The following PRDM16 variants were observed in gnomAD, a reference collection of about 807,000 sequenced individuals.
PRDM16 encodes the protein histone-lysine N-methyltransferase PRDM16.
A neutral mutation model predicts 110.6 loss-of-function variants in PRDM16; 23 were observed. The ratio of observed to expected loss-of-function variants is 0.21; its 90% CI spans 0.15 to 0.29. The LOEUF (loss-of-function observed/expected upper bound fraction) is 0.29, where lower values mean the gene tolerates loss of function less well. PRDM16 is among the 10% of genes least tolerant of loss of function. PRDM16 has a pLI of 1.00. For missense variants in PRDM16, 1,615 were observed against 1,794.3 expected (o/e 0.90, Z 1.81); for synonymous variants, 799 against 781.8 (o/e 1.02, Z -0.37).
intron 1 of PRDM16, among the ~76,000 whole-genome samples, chr1:3,089,548 C>A (rs1642225732): frequency 6.6e-6 from 1 of 152,230 alleles, no homozygotes; most frequent in Non-Finnish European, 1.5e-5. Context: ...CATCTCCAGG[C>A]CAGAAAACCA....
chr1:3,142,357 C>G (rs12123885), intron 1 of PRDM16, among the ~76,000 whole-genome samples: 1 of 152,208 alleles, frequency 6.6e-6, no homozygotes, highest in Admixed American at 6.5e-5. Context: ...CCCGGGGGTG[C>G]GGTGGGGACC....
At chr1:3,317,288 G>A (rs1007648695) in intron 3 of PRDM16, among the ~76,000 whole-genome samples, 20 of 152,146 alleles carry the variant, frequency 1.3e-4, no homozygotes, top group African/African-American at 4.3e-4. Flanking sequence ...TCTCTTACCT[G>A]GGAGAAGTGA....
chr1:3,301,529 G>A (rs1315679609), intron 3 of PRDM16, among the ~76,000 whole-genome samples: 1 of 152,196 alleles, frequency 6.6e-6, no homozygotes, highest in Non-Finnish European at 1.5e-5. Context: ...TTTAAAAGAA[G>A]ACGTCTCGGT....
At chr1:3,400,532 T>A (rs1643449700) in intron 5 of PRDM16, among the ~76,000 whole-genome samples, 1 of 152,180 alleles carries the variant, frequency 6.6e-6, no homozygotes, top group Non-Finnish European at 1.5e-5. Flanking sequence ...CCTAGGTGGG[T>A]TTGGTTTGTT....
At chr1:3,316,546 T>C (rs1641606162) in intron 3 of PRDM16, among the ~76,000 whole-genome samples, 1 of 151,760 alleles carries the variant, frequency 6.6e-6, no homozygotes, top group Non-Finnish European at 1.5e-5. Context: ...TAGCCAAGAA[T>C]CAGTGGCACA....
rs1013615482 is a variant in PRDM16, at chr1:3,080,374, C to T, written c.37+11078C>T. Among the ~76,000 whole-genome samples, 2 of 152,206 alleles carry T rather than the reference C, an allele frequency of 1.3e-5. No homozygotes were observed. Among genetic ancestry groups the T allele is most frequent in the African/African-American group, 4.8e-5 (2 of 41,460 alleles). On this transcript the variant is annotated intron_variant, in intron 1 of 16. Transcript: ENST00000270722. This position sits in a 1 kb window ranked among gnomAD's most constrained non-coding sequence, Gnocchi z 5.2. Reference sequence around the variant, plus strand: ...GGTGCCACGAAGCACCGGGGATTTACGGCCGACCCGCGCTTTCCGATCGGT... The same window carrying T: ...GGTGCCACGAAGCACCGGGGATTTATGGCCGACCCGCGCTTTCCGATCGGT...
chr1:3,257,312 C>T (rs752374126), intron 3 of PRDM16, among the ~76,000 whole-genome samples: 1 of 152,134 alleles, frequency 6.6e-6, no homozygotes, highest in Non-Finnish European at 1.5e-5. Context: ...CTCTGCCCAC[C>T]TGGGGTTGGG....
At chr1:3,337,508 G>A (rs534732361) in intron 3 of PRDM16, among the ~76,000 whole-genome samples, 3 of 152,184 alleles carry the variant, frequency 2.0e-5, no homozygotes, top group Non-Finnish European at 4.4e-5. Context: ...GCCATGCCAG[G>A]TCACCAAGAC....
chr1:3,413,653 TG>T (rs1049539787), intron 9 of PRDM16, among the ~76,000 whole-genome samples: 16 of 152,132 alleles, frequency 1.1e-4, no homozygotes, highest in Non-Finnish European at 2.1e-4. Flanking sequence ...ATAGACATGC[TG>T]GGGGTGCTGT....
At chr1:3,402,209 C>T (rs1429070203) in intron 5 of PRDM16, among the ~76,000 whole-genome samples, 1 of 152,180 alleles carries the variant, frequency 6.6e-6, no homozygotes, top group Non-Finnish European at 1.5e-5. Context: ...GGTCTCCCGT[C>T]TTAGGTGGAA....
chr1:3,287,911 C>A (rs1012090650), intron 3 of PRDM16, among the ~76,000 whole-genome samples: 1 of 152,250 alleles, frequency 6.6e-6, no homozygotes, highest in Non-Finnish European at 1.5e-5. Flanking sequence ...GAGCCTCGCA[C>A]ACCCTCAGGT....
intron 1 of PRDM16, among the ~76,000 whole-genome samples, chr1:3,083,158 T>C (rs1642068636): frequency 6.6e-6 from 1 of 152,236 alleles, no homozygotes; most frequent in Admixed American, 6.5e-5. Context: ...CAGGCTCCTC[T>C]GGATGCGGCC....
chr1:3,198,967 G>A (rs2100823146), intron 2 of PRDM16, among the ~76,000 whole-genome samples: 1 of 152,264 alleles, frequency 6.6e-6, no homozygotes. Context: ...TTAGGCCCCA[G>A]GCATTGTCTG....
chr1:3,252,396 C>T (rs1639954564), intron 3 of PRDM16, among the ~76,000 whole-genome samples: 1 of 152,198 alleles, frequency 6.6e-6, no homozygotes, highest in South Asian at 2.1e-4. Flanking sequence ...GGGGATCTTC[C>T]CTGGCTTCTT....
intron 1 of PRDM16, among the ~76,000 whole-genome samples, chr1:3,083,427 C>T (rs1373385239): frequency 6.6e-6 from 1 of 152,202 alleles, no homozygotes; most frequent in Non-Finnish European, 1.5e-5. Flanking sequence ...CTGGGGCTGA[C>T]CTGGAAGCTG....
intron 1 of PRDM16, among the ~76,000 whole-genome samples, chr1:3,147,427 G>A (rs368874757): frequency 1.3e-5 from 2 of 152,204 alleles, no homozygotes; most frequent in Non-Finnish European, 2.9e-5. Context: ...TGGGGCCTCC[G>A]ACCAGGTGCC....
chr1:3,092,704 G>A (rs1416988220), intron 1 of PRDM16, among the ~76,000 whole-genome samples: 3 of 152,110 alleles, frequency 2.0e-5, no homozygotes, highest in East Asian at 3.9e-4. Context: ...TCCTCTGGCT[G>A]GGCACCCCCG....
chr1:3,383,709 G>A (rs1301473958), intron 3 of PRDM16, among the ~76,000 whole-genome samples: 1 of 152,126 alleles, frequency 6.6e-6, no homozygotes, highest in Non-Finnish European at 1.5e-5. Flanking sequence ...CCGAGCATCT[G>A]AGGTGCCCAG....
rs2100842401 is a variant in PRDM16 at position 3,209,809 on chromosome 1, A to G, written c.387+23335A>G. 6.6e-6 allele frequency among the ~76,000 whole-genome samples: 1 copy of G among 152,272 alleles called. No homozygotes were observed. The highest frequency in any genetic ancestry group is 1.5e-5 in the Non-Finnish European group (1 of 68,024). Reference sequence around the variant, plus strand: ...GCCAGGACTTGGTCCAGCGTTTTCCAAACTGGCAGAACCCGGGGATCTAAG... The same window carrying G: ...GCCAGGACTTGGTCCAGCGTTTTCCGAACTGGCAGAACCCGGGGATCTAAG... On this transcript the variant is annotated intron_variant, in intron 2 of 16. Transcript: ENST00000270722. The surrounding 1 kb of genome is among the most constrained non-coding windows in gnomAD (Gnocchi z 4.6).
Sources: allele counts gnomAD v4.1 joint callset (sites outside exome capture counted in the v4.1 genomes callset), GRCh38; gene constraint gnomAD v4.1.1; non-coding constraint Gnocchi (gnomAD v3.1); transcripts MANE v1.5; gene names NCBI Gene and HGNC (gene_info 2026-07-23, HGNC 2026-07-21).